Variants in PDE10A observed in about 807,000 individuals in gnomAD.
PDE10A encodes the protein phosphodiesterase 10A, also known as cAMP and cAMP-inhibited cGMP 3',5'-cyclic phosphodiesterase 10A.
Under a neutral mutation model 97.7 loss-of-function variants are expected in PDE10A, and 39 were observed. That is an observed-to-expected ratio of 0.40 (90% CI 0.31 to 0.52). PDE10A has a LOEUF of 0.52. PDE10A is among the 20% of genes least tolerant of loss of function. The probability of loss-of-function intolerance (pLI) is 0.56; values close to 1 mark genes in which losing one functional copy is unlikely to be tolerated. For synonymous variants in PDE10A, 371 were observed against 376.8 expected (o/e 0.98, Z 0.18); for missense variants, 731 against 1,047.8 (o/e 0.70, Z 4.17).
intron 1 of PDE10A, among the ~76,000 whole-genome samples, chr6:165,638,594 A>G (rs188024932): frequency 6.6e-6 from 1 of 152,298 alleles, no homozygotes; most frequent in Admixed American, 6.5e-5. Flanking sequence ...TTGCCACATC[A>G]CTACACAGAT....
intron 1 of PDE10A, among the ~76,000 whole-genome samples, chr6:165,687,394 G>A (rs1027042556): frequency 1.3e-5 from 2 of 152,202 alleles, no homozygotes; most frequent in African/African-American, 4.8e-5. Flanking sequence ...TATGCCAGTC[G>A]GGTAAGAACT....
rs571720693 is a variant in PDE10A, at chr6:165,967,569, C to A, written c.-615+19960G>T. 7.8e-4 allele frequency among the ~76,000 whole-genome samples: 118 copies of A among 152,188 alleles called. 1 individual carries two copies. Among genetic ancestry groups the A allele is most frequent in the African/African-American group, 2.7e-3 (113 of 41,526 alleles). ...TATCTATGGTTTTTTCTTAAACAAT[C>A]GAAAATCATTTCAAAAACAAATACT... is the stretch of plus-strand genomic sequence containing the variant. On this transcript the variant is annotated intron_variant, in intron 1 of 19. Coordinates refer to the PDE10A transcript ENST00000366882.
chr6:165,919,123 G>T (rs1454656544), intron 1 of PDE10A, among the ~76,000 whole-genome samples: 2 of 152,048 alleles, frequency 1.3e-5, no homozygotes, highest in African/African-American at 4.8e-5. Context: ...CCTTCCTTTT[G>T]GCTTTGTCAA....
intron 19 of PDE10A, among the ~76,000 whole-genome samples, chr6:165,341,905 C>T (rs1781993468): frequency 6.6e-6 from 1 of 152,154 alleles, no homozygotes; most frequent in African/African-American, 2.4e-5. Flanking sequence ...ATTTTAAACA[C>T]AGCATTTTAA....
At chr6:165,374,040 T>C (rs1410999280) in intron 18 of PDE10A, among the ~76,000 whole-genome samples, 1 of 126,552 alleles carries the variant, frequency 7.9e-6, no homozygotes, top group African/African-American at 3.1e-5. Context: ...TGAGAACACA[T>C]GGACACAGGA....
intron 1 of PDE10A, among the ~76,000 whole-genome samples, chr6:165,568,410 A>C (rs1784898140): frequency 1.3e-5 from 2 of 152,194 alleles, no homozygotes; most frequent in South Asian, 4.1e-4. Flanking sequence ...TATTAAATGG[A>C]AAATTCCAGA....
intron 1 of PDE10A, among the ~76,000 whole-genome samples, chr6:165,691,953 T>A (rs2128441894): frequency 6.6e-6 from 1 of 152,376 alleles, no homozygotes; most frequent in Middle Eastern, 3.4e-3. Context: ...TTTCTGGATG[T>A]GCACTGAATG....
In PDE10A at chr6:165,661,796, G is replaced by A. The variant is rs953981715; in HGVS notation, c.865+151C>T. On this transcript the variant is annotated intron_variant, in intron 1 of 21. Transcript: ENST00000539869. The surrounding 1 kb of genome is among the most constrained non-coding windows in gnomAD (Gnocchi z 4.8). ...CGCTCCGCCAGGGGCACCGGCTCCTGCCCCTCCAGAGAAGCCCCCTGGGCG... is the reference window on the plus strand; with the variant it reads ...CGCTCCGCCAGGGGCACCGGCTCCTACCCCTCCAGAGAAGCCCCCTGGGCG... 2.9e-5 allele frequency: 14 copies of A among 484,784 alleles called. No homozygotes were observed. In the African/African-American group the frequency reaches 2.9e-4, roughly 10 times the overall value. The allele number at this position is 484,784 out of a possible 1,614,324, so 30.0% of individuals were successfully genotyped here.
intron 1 of PDE10A, among the ~76,000 whole-genome samples, chr6:165,717,847 C>T (rs1391783334): frequency 6.6e-6 from 1 of 152,130 alleles, no homozygotes; most frequent in Non-Finnish European, 1.5e-5. Flanking sequence ...CTGGGGATGT[C>T]GAGCTCCTAT....
chr6:165,965,485 G>C (rs184401267), intron 1 of PDE10A, among the ~76,000 whole-genome samples: 1 of 152,080 alleles, frequency 6.6e-6, no homozygotes, highest in African/African-American at 2.4e-5. Context: ...CCACAATTCT[G>C]TCAAAATGAG....
intron 1 of PDE10A, among the ~76,000 whole-genome samples, chr6:165,698,872 A>G (rs1338766864): frequency 6.6e-6 from 1 of 152,174 alleles, no homozygotes; most frequent in African/African-American, 2.4e-5. Flanking sequence ...AAACAAAAAC[A>G]AATAAATAAA....
At chr6:165,722,646 G>A (rs1792193278) in intron 1 of PDE10A, among the ~76,000 whole-genome samples, 1 of 152,146 alleles carries the variant, frequency 6.6e-6, no homozygotes, top group Non-Finnish European at 1.5e-5. Context: ...GATCATAGGT[G>A]CCCAGGGGTA....
At chr6:165,755,998 C>G (rs1793109797) in intron 1 of PDE10A, among the ~76,000 whole-genome samples, 1 of 152,186 alleles carries the variant, frequency 6.6e-6, no homozygotes, top group Non-Finnish European at 1.5e-5. Context: ...CACATGGACT[C>G]CTTCAGGACT....
rs1409515751 is a variant in PDE10A at position 165,655,368 on chromosome 6, T to C, written c.865+6579A>G. ...CCACCAAACGCCACGCCTGATTCCT[T>C]GCGCACCCCACGTGCTCCTCCTCCA... On this transcript the variant is annotated intron_variant, in intron 1 of 21. Transcript: ENST00000539869. This position sits in a 1 kb window ranked among gnomAD's most constrained non-coding sequence, Gnocchi z 4.5. Among the ~76,000 whole-genome samples, 6 of 152,128 alleles carry C rather than the reference T, an allele frequency of 3.9e-5. No individual in the cohort carries two copies. Among genetic ancestry groups the C allele is most frequent in the Non-Finnish European group, 5.9e-5 (4 of 68,030 alleles).
At chr6:165,826,169 T>C (rs1779737628) in intron 1 of PDE10A, among the ~76,000 whole-genome samples, 1 of 152,170 alleles carries the variant, frequency 6.6e-6, no homozygotes, top group African/African-American at 2.4e-5. Context: ...GTTGACACAA[T>C]GTCCTTGCCT....
intron 1 of PDE10A, among the ~76,000 whole-genome samples, chr6:165,698,916 AAGG>A (rs1412574021): frequency 6.6e-6 from 1 of 152,184 alleles, no homozygotes; most frequent in African/African-American, 2.4e-5. Context: ...GAAAGTAGTA[AAGG>A]AGAAGTAGAA....
chr6:165,892,620 T>A (rs1427506165), intron 1 of PDE10A, among the ~76,000 whole-genome samples: 1 of 152,150 alleles, frequency 6.6e-6, no homozygotes, highest in Non-Finnish European at 1.5e-5. Flanking sequence ...TAGAGCTCCA[T>A]GTTTGTGTTC....
intron 1 of PDE10A, among the ~76,000 whole-genome samples, chr6:165,756,465 T>C (rs1226742824): frequency 6.6e-6 from 1 of 152,224 alleles, no homozygotes; most frequent in Non-Finnish European, 1.5e-5. Context: ...CAGATTTTTA[T>C]GAATGTACAA....
rs190145980 is a variant in PDE10A at position 165,688,877 on chromosome 6, G to A, written c.-614-145309C>T. On this transcript the variant is annotated intron_variant, in intron 1 of 19. Coordinates refer to the PDE10A transcript ENST00000366882. ...GTGAGTGTGTGAGTGTGTACAGATG[G>A]AACTGTGGTGAAATGTGGCAGGGGA... is the stretch of plus-strand genomic sequence containing the variant. Among the ~76,000 whole-genome samples, 517 of 152,300 alleles carry A rather than the reference G, an allele frequency of 3.4e-3. 2 individuals carry two copies. Among genetic ancestry groups the A allele is most frequent in the Non-Finnish European group, 5.6e-3 (383 of 68,014 alleles).
Sources: allele counts gnomAD v4.1 joint callset (sites outside exome capture counted in the v4.1 genomes callset), GRCh38; gene constraint gnomAD v4.1.1; non-coding constraint Gnocchi (gnomAD v3.1); transcripts MANE v1.5; gene names NCBI Gene and HGNC (gene_info 2026-07-23, HGNC 2026-07-21).